NHSL1: variants seen among roughly 807,000 people sequenced by gnomAD.
NHSL1 encodes NHS-like protein 1.
In NHSL1, 48 loss-of-function variants were observed where a neutral mutation model predicts 95.0. The ratio of observed to expected loss-of-function variants is 0.51; its 90% CI spans 0.40 to 0.64. The LOEUF (loss-of-function observed/expected upper bound fraction) is 0.64. Among genes scored for constraint, NHSL1 ranks in the 30% least tolerant of loss-of-function variants. The pLI is 0.00. For missense variants in NHSL1, 1,971 were observed against 2,077.7 expected (o/e 0.95, Z 1.00); for synonymous variants, 783 against 833.9 (o/e 0.94, Z 1.05).
upstream of NHSL1, among the ~76,000 whole-genome samples, chr6:138,550,388 C>T (rs994457621): frequency 2.6e-5 from 4 of 152,168 alleles, no homozygotes; most frequent in Admixed American, 2.6e-4. Context: ...TTGATCATTG[C>T]TACTGAGACT....
intron 1 of NHSL1, among the ~76,000 whole-genome samples, chr6:138,509,368 C>T (rs1026097722): frequency 6.6e-6 from 1 of 152,158 alleles, no homozygotes; most frequent in African/African-American, 2.4e-5. Flanking sequence ...TTGTGATTAG[C>T]TAAGTGCTTT....
chr6:138,502,877 T>C (rs1206045300), upstream of NHSL1, among the ~76,000 whole-genome samples: 1 of 152,212 alleles, frequency 6.6e-6, no homozygotes, highest in African/African-American at 2.4e-5. Context: ...CGTAAGTGTA[T>C]GTTAAATCAA....
intron 3 of NHSL1, among the ~76,000 whole-genome samples, chr6:138,453,362 T>C (rs1777366082): frequency 6.6e-6 from 1 of 151,944 alleles, no homozygotes; most frequent in Non-Finnish European, 1.5e-5. Flanking sequence ...TCTTTTGTTG[T>C]TGTTGTTTTT....
At chr6:138,666,078 C>T (rs752467125) in intron 1 of NHSL1, among the ~76,000 whole-genome samples, 47 of 151,202 alleles carry the variant, frequency 3.1e-4, no homozygotes, top group Middle Eastern at 7.1e-3. Context: ...CCAAGGCGGG[C>T]GGATCACCTG....
rs372328186 is a variant in NHSL1, at chr6:138,431,261, G to A, written c.3084C>T (p.Pro1028=). The change falls in exon 6 of 8, where the codon CCC becomes CCT. Residue 1028 remains proline (P), a synonymous_variant. Transcript: ENST00000343505. This position sits in a 1 kb window ranked among gnomAD's most constrained non-coding sequence, Gnocchi z 4.0. ...SEPPPAPPLD[P]KFMKDTRPPF... ...GCGGCCTGGTGTCTTTCATGAATTTGGGGTCAAGAGGTGGGGCAGGTGGGG... is the reference window on the plus strand; with the variant it reads ...GCGGCCTGGTGTCTTTCATGAATTTAGGGTCAAGAGGTGGGGCAGGTGGGG... The A allele has an allele frequency of 5.3e-6, 8 of 1,507,214 alleles. No homozygotes were observed. In the East Asian group the frequency reaches 2.0e-4, roughly 37 times the overall value. The allele number at this position is 1,507,214 out of a possible 1,614,324, so 93.4% of individuals were successfully genotyped here.
intron 3 of NHSL1, among the ~76,000 whole-genome samples, chr6:138,463,786 T>C (rs913216847): frequency 6.6e-6 from 1 of 152,248 alleles, no homozygotes. Context: ...GTGACGTTCT[T>C]ATATGTCACT....
At position 138,422,435 on chromosome 6, in the gene NHSL1, G is replaced by GTT. The variant is rs1774977491; in HGVS notation, c.*1644_*1645dup. 6.6e-6 allele frequency: 1 copy of GTT among 152,076 alleles called. No homozygotes were observed. The highest frequency in any genetic ancestry group is 2.1e-4 in the South Asian group (1 of 4,822). The allele number at this position is 152,076 out of a possible 1,614,324, so 9.4% of individuals were successfully genotyped here. ...TTCTATATGGGTATCTAAAGTTTTAGTTTATAAGTCTCATAATGATTTGAC... is the reference window on the plus strand; with the variant it reads ...TTCTATATGGGTATCTAAAGTTTTAGTTTTTATAAGTCTCATAATGATTTGAC... On this transcript the variant is annotated 3_prime_UTR_variant, in exon 8 of 8. Coordinates refer to ENST00000343505, the MANE Select transcript of NHSL1 (RefSeq NM_001144060.2).
chr6:138,660,091 G>A (rs533235752), intron 1 of NHSL1, among the ~76,000 whole-genome samples: 35 of 152,096 alleles, frequency 2.3e-4, no homozygotes, highest in Non-Finnish European at 4.9e-4. Flanking sequence ...CTCTTACTCC[G>A]TGGCTGATTC....
intron 1 of NHSL1, among the ~76,000 whole-genome samples, chr6:138,628,011 T>C (rs190352614): frequency 2.0e-5 from 3 of 151,792 alleles, no homozygotes; most frequent in Admixed American, 6.6e-5. Flanking sequence ...CATACACACA[T>C]ATACGTAAAA....
chr6:138,536,423 C>T (rs1196414104), intron 1 of NHSL1, among the ~76,000 whole-genome samples: 3 of 152,084 alleles, frequency 2.0e-5, no homozygotes, highest in African/African-American at 4.8e-5. Flanking sequence ...TCACTGGACA[C>T]GGAAAAGCAG....
chr6:138,575,053 C>A (rs1399632693), upstream of NHSL1, among the ~76,000 whole-genome samples: 2 of 152,036 alleles, frequency 1.3e-5, no homozygotes, highest in African/African-American at 4.8e-5. Flanking sequence ...GCATATGCCA[C>A]CACACCCAGC....
rs1048046414 is a variant in NHSL1 at position 138,457,340 on chromosome 6, G to A, written c.340-10147C>T. Among the ~76,000 whole-genome samples the A allele has an allele frequency of 4.6e-5, 7 of 152,200 alleles. No individual in the cohort carries two copies. The East Asian group carries it at 1.4e-3, about 29-fold the overall frequency. Reference sequence around the variant, plus strand: ...ACTTTGAACATCAAAGATATGTGTGGATCTCGTTAGCAAAACATCTTTCTT... The same window carrying A: ...ACTTTGAACATCAAAGATATGTGTGAATCTCGTTAGCAAAACATCTTTCTT... On this transcript the variant is annotated intron_variant, in intron 3 of 7. Coordinates refer to ENST00000343505, the MANE Select transcript of NHSL1 (RefSeq NM_001144060.2).
In NHSL1 at chr6:138,629,387, TTC is replaced by T. The variant is rs375107514; in HGVS notation, c.96+63087_96+63088del. Among the ~76,000 whole-genome samples the T allele has an allele frequency of 5.5e-4, 84 of 151,694 alleles. 2 individuals are homozygous for T. The highest frequency in any genetic ancestry group is 1.5e-3 in the South Asian group (7 of 4,816). On this transcript the variant is annotated intron_variant, in intron 1 of 3. Transcript: ENST00000491526. ...CATCAGTATTTCTTTCTTTCTTTCT[TTC>T]TTTTTTTTTTGAGACGGAGTCTCGC...
intron 1 of NHSL1, among the ~76,000 whole-genome samples, chr6:138,519,853 CTT>C (rs1583346509): frequency 1.3e-5 from 2 of 152,282 alleles, no homozygotes; most frequent in South Asian, 2.1e-4. Flanking sequence ...CTGAAATACT[CTT>C]TGTTTTAAAA....
At chr6:138,451,194 C>A (rs1382976262) in intron 3 of NHSL1, among the ~76,000 whole-genome samples, 2 of 152,186 alleles carry the variant, frequency 1.3e-5, no homozygotes. Context: ...TTATTCTACT[C>A]CAGCCACACC....
At chr6:138,611,494 C>T (rs1000713966) in intron 1 of NHSL1, among the ~76,000 whole-genome samples, 1 of 152,182 alleles carries the variant, frequency 6.6e-6, no homozygotes, top group African/African-American at 2.4e-5. Context: ...CGCCTGTAAT[C>T]CCAGCACTTT....
At chr6:138,587,169 T>C (rs1370239773) in intron 1 of NHSL1, among the ~76,000 whole-genome samples, 2 of 151,750 alleles carry the variant, frequency 1.3e-5, no homozygotes, top group East Asian at 3.9e-4. Context: ...GGTGGGTTTT[T>C]GCCATGTTGG....
At chr6:138,605,881 T>C (rs1215762830) in intron 1 of NHSL1, among the ~76,000 whole-genome samples, 1 of 152,240 alleles carries the variant, frequency 6.6e-6, no homozygotes, top group Non-Finnish European at 1.5e-5. Flanking sequence ...ATGTGGAAAG[T>C]GCGTGAGTAC....
intron 3 of NHSL1, among the ~76,000 whole-genome samples, chr6:138,465,514 C>A (rs947045532): frequency 2.0e-5 from 3 of 152,284 alleles, no homozygotes; most frequent in Non-Finnish European, 1.5e-5. Flanking sequence ...ATCCCTCCCC[C>A]ATTTCCTGAC....
Sources: gnomAD v4.1 joint callset for allele counts (sites outside exome capture counted in the v4.1 genomes callset) on GRCh38, gnomAD v4.1.1 for gene constraint, Gnocchi (gnomAD v3.1) non-coding constraint, MANE v1.5 for transcripts, NCBI Gene and HGNC (gene_info 2026-07-23, HGNC 2026-07-21) for gene names.